The following SDC2 variants were observed in gnomAD, a reference collection of about 807,000 sequenced individuals.
The protein encoded by SDC2 is syndecan 2, also known as syndecan-2.
A neutral mutation model predicts 22.2 loss-of-function variants in SDC2; 13 were observed. The ratio of observed to expected loss-of-function variants is 0.59; its 90% CI spans 0.38 to 0.93. The LOEUF is 0.93. Ranked by LOEUF, SDC2 falls within the 40% of genes least tolerant of loss-of-function variation. SDC2 has a pLI of 0.00. For synonymous variants in SDC2, 94 were observed against 92.8 expected (o/e 1.01, Z -0.07); for missense variants, 235 against 246.8 (o/e 0.95, Z 0.32).
At chr8:96,593,837 A>G (rs970635205) in intron 2 of SDC2, among the ~76,000 whole-genome samples, 9 of 152,218 alleles carry the variant, frequency 5.9e-5, no homozygotes, top group African/African-American at 2.2e-4. Flanking sequence ...TCCTTACCAT[A>G]GAGTTGTTGT....
intron 1 of SDC2, chr8:96,586,518 A>G (rs188860737): frequency 3.3e-5 from 5 of 152,396 alleles, no homozygotes; most frequent in Non-Finnish European, 5.9e-5. Context: ...TCCAACAGGA[A>G]CAGCCAACAT....
chr8:96,497,469 T>A (rs1384143209), intron 1 of SDC2, among the ~76,000 whole-genome samples: 1 of 152,202 alleles, frequency 6.6e-6, no homozygotes, highest in East Asian at 1.9e-4. Context: ...GGACCTGATA[T>A]GTCTAGTTTT....
At chr8:96,605,612 A>G in intron 3 of SDC2, among the ~76,000 whole-genome samples, 1 of 152,250 alleles carries the variant, frequency 6.6e-6, no homozygotes, top group Admixed American at 6.5e-5. Context: ...ATTGTGCACC[A>G]GTGAAATGAA....
At chr8:96,547,959 G>A (rs1357318842) in intron 1 of SDC2, among the ~76,000 whole-genome samples, 1 of 151,984 alleles carries the variant, frequency 6.6e-6, no homozygotes, top group Non-Finnish European at 1.5e-5. Context: ...AGATGGTTTT[G>A]CTATGTTGCC....
At chr8:96,503,752 C>T (rs1278870136) in intron 1 of SDC2, among the ~76,000 whole-genome samples, 1 of 152,110 alleles carries the variant, frequency 6.6e-6, no homozygotes, top group Non-Finnish European at 1.5e-5. Flanking sequence ...CAAAAAATGG[C>T]ACCAGAGCTA....
intron 1 of SDC2, among the ~76,000 whole-genome samples, chr8:96,507,347 A>G (rs1303327865): frequency 2.0e-5 from 3 of 152,256 alleles, no homozygotes; most frequent in Non-Finnish European, 4.4e-5. Flanking sequence ...TGTTTGACAA[A>G]TAAATGAAAT....
chr8:96,531,694 C>T (rs1303346441), intron 1 of SDC2, among the ~76,000 whole-genome samples: 1 of 152,186 alleles, frequency 6.6e-6, no homozygotes, highest in Non-Finnish European at 1.5e-5. Context: ...TATTTAAACC[C>T]TTTAAGAATA....
At chr8:96,544,509 A>G (rs951518831) in intron 1 of SDC2, among the ~76,000 whole-genome samples, 2 of 152,110 alleles carry the variant, frequency 1.3e-5, no homozygotes, top group Non-Finnish European at 2.9e-5. Flanking sequence ...TGTTCGTTCT[A>G]GCGATCGCTC....
chr8:96,602,596 A>G, intron 3 of SDC2, 68 bp downstream of exon 3: 1 of 1,472,446 alleles, frequency 6.8e-7, no homozygotes, highest in Non-Finnish European at 9.4e-7. Context: ...CTGACTGTAC[A>G]CAACAGTCCC....
At chr8:96,574,764 A>G (rs1166369286) in intron 1 of SDC2, among the ~76,000 whole-genome samples, 2 of 152,108 alleles carry the variant, frequency 1.3e-5, no homozygotes, top group Non-Finnish European at 2.9e-5. Flanking sequence ...TTTATGTTTT[A>G]TGTCTTTGGA....
At chr8:96,496,189 C>T (rs1217434908) in intron 1 of SDC2, among the ~76,000 whole-genome samples, 1 of 152,146 alleles carries the variant, frequency 6.6e-6, no homozygotes, top group Non-Finnish European at 1.5e-5. Context: ...TTTCTGTCTT[C>T]TGCTCCTCTG....
chr8:96,594,452 G>A (rs1814838888), intron 2 of SDC2, among the ~76,000 whole-genome samples: 1 of 152,158 alleles, frequency 6.6e-6, no homozygotes, highest in Non-Finnish European at 1.5e-5. Context: ...AGTGTGCAAA[G>A]CCTCTTGCAG....
chr8:96,571,070 T>G (rs1211418120), intron 1 of SDC2, among the ~76,000 whole-genome samples: 2 of 152,198 alleles, frequency 1.3e-5, no homozygotes, highest in Non-Finnish European at 2.9e-5. Flanking sequence ...TTTAGGTATA[T>G]TTTACTACAA....
At chr8:96,517,198 T>G (rs1813414476) in intron 1 of SDC2, among the ~76,000 whole-genome samples, 1 of 152,216 alleles carries the variant, frequency 6.6e-6, no homozygotes, top group Non-Finnish European at 1.5e-5. Context: ...ACTGATGATG[T>G]TGAGCAAGAT....
chr8:96,563,222 A>G (rs1801956903), intron 1 of SDC2, among the ~76,000 whole-genome samples: 1 of 152,156 alleles, frequency 6.6e-6, no homozygotes, highest in South Asian at 2.1e-4. Flanking sequence ...ACAGCCTTCC[A>G]TCTGGCTTTC....
intron 1 of SDC2, among the ~76,000 whole-genome samples, chr8:96,552,501 T>G (rs1403929306): frequency 6.6e-6 from 1 of 152,202 alleles, no homozygotes; most frequent in African/African-American, 2.4e-5. Context: ...AGTTTACACT[T>G]TGCCATTCTA....
At chr8:96,606,058 T>G (rs970136172) in intron 3 of SDC2, among the ~76,000 whole-genome samples, 1 of 152,056 alleles carries the variant, frequency 6.6e-6, no homozygotes, top group Admixed American at 6.6e-5. Flanking sequence ...CTCTGTGGAG[T>G]CCTAATGAAG....
intron 1 of SDC2, among the ~76,000 whole-genome samples, chr8:96,559,423 G>A (rs1308415097): frequency 6.6e-6 from 1 of 152,112 alleles, no homozygotes; most frequent in African/African-American, 2.4e-5. Flanking sequence ...AGAGGAATTG[G>A]GATTTACTAA....
Position 96,494,017 on chromosome 8 carries a change from C to G in SDC2, c.-255C>G. Reference sequence around the variant, plus strand: ...GAGCAGCCTTCCCGGAGCACCAACTCCGTGTCGGGAGTGCAGAAACCAACA... The same window carrying G: ...GAGCAGCCTTCCCGGAGCACCAACTGCGTGTCGGGAGTGCAGAAACCAACA... On this transcript the variant is annotated 5_prime_UTR_variant, in exon 1 of 5. Coordinates refer to ENST00000302190, the MANE Select transcript of SDC2 (RefSeq NM_002998.4). 1 of 532,290 alleles carries G rather than the reference C, an allele frequency of 1.9e-6. No homozygotes were observed. Among genetic ancestry groups the G allele is most frequent in the Non-Finnish European group, 3.3e-6 (1 of 305,552 alleles). 33.0% of individuals were successfully genotyped at this position (532,290 alleles called of 1,614,324 possible).
Sources: allele counts gnomAD v4.1 joint callset (sites outside exome capture counted in the v4.1 genomes callset), GRCh38; gene constraint gnomAD v4.1.1; transcripts MANE v1.5; gene names NCBI Gene and HGNC (gene_info 2026-07-23, HGNC 2026-07-21).